NDRG1: variants seen among roughly 807,000 people sequenced by gnomAD.
The protein encoded by NDRG1 is N-myc downstream regulated 1.
A neutral mutation model predicts 56.9 loss-of-function variants in NDRG1; 32 were observed. The ratio of observed to expected loss-of-function variants is 0.56; its 90% CI spans 0.42 to 0.76. The LOEUF (loss-of-function observed/expected upper bound fraction) is 0.76, where lower values mean the gene tolerates loss of function less well. Among genes scored for constraint, NDRG1 ranks in the 30% least tolerant of loss-of-function variants. The pLI, the probability that NDRG1 is intolerant of heterozygous loss-of-function variation, is 0.00. For missense variants in NDRG1, 507 were observed against 545.7 expected (o/e 0.93, Z 0.71); for synonymous variants, 211 against 204.1 (o/e 1.03, Z -0.29).
intron 3 of NDRG1, among the ~76,000 whole-genome samples, chr8:133,273,638 G>A (rs1353239646): frequency 6.6e-6 from 1 of 152,204 alleles, no homozygotes; most frequent in Admixed American, 6.5e-5. Flanking sequence ...TTTTTCGGAA[G>A]CAGATGGATC....
intron 10 of NDRG1, chr8:133,249,544 G>C (rs901446473): frequency 6.5e-6 from 1 of 152,782 alleles, no homozygotes; most frequent in Non-Finnish European, 1.5e-5. Flanking sequence ...AGTTAATTAC[G>C]GTGCTATCTA....
At chr8:133,248,633 A>G in intron 11 of NDRG1, 82 bp downstream of exon 11, 1 of 1,497,200 alleles carries the variant, frequency 6.7e-7, no homozygotes, top group South Asian at 1.1e-5. Context: ...TGCCACACTC[A>G]GAAAGAAGGC....
intron 4 of NDRG1, among the ~76,000 whole-genome samples, 186 bp downstream of exon 4, chr8:133,264,361 C>A (rs1214242777): frequency 6.6e-6 from 1 of 152,264 alleles, no homozygotes; most frequent in Admixed American, 6.5e-5. Context: ...ACAGACAACT[C>A]CGTGCCCACA....
intron 11 of NDRG1, 80 bp from the exon 12 acceptor site, chr8:133,248,006 C>A: frequency 1.5e-6 from 2 of 1,357,382 alleles, no homozygotes; most frequent in Non-Finnish European, 2.1e-6. Flanking sequence ...CAGGCTGGGG[C>A]CTGCATTCTA....
At chr8:133,279,160 G>C (rs372245522) in intron 3 of NDRG1, among the ~76,000 whole-genome samples, 1 of 152,144 alleles carries the variant, frequency 6.6e-6, no homozygotes, top group Non-Finnish European at 1.5e-5. Context: ...AAAGTGCTAG[G>C]ATTACAGGCA....
At chr8:133,278,184 C>A (rs1281294731) in intron 3 of NDRG1, among the ~76,000 whole-genome samples, 1 of 152,204 alleles carries the variant, frequency 6.6e-6, no homozygotes, top group Non-Finnish European at 1.5e-5. Context: ...TCCAGCTGTT[C>A]TCAGCTCAGA....
At chr8:133,257,282 T>TACACACACACAC (rs58312135) in intron 7 of NDRG1, among the ~76,000 whole-genome samples, 4 of 146,720 alleles carry the variant, frequency 2.7e-5, no homozygotes, top group African/African-American at 7.5e-5. Context: ...AACACATGCA[T>TACACACACACAC]ACACACACAC....
intron 3 of NDRG1, among the ~76,000 whole-genome samples, chr8:133,276,200 A>G (rs1391412356): frequency 6.6e-6 from 1 of 152,172 alleles, no homozygotes; most frequent in Non-Finnish European, 1.5e-5. Context: ...CCTAAGGGGC[A>G]GCGCCTTAGC....
intron 9 of NDRG1, among the ~76,000 whole-genome samples, chr8:133,252,798 C>G (rs551780046): frequency 7.3e-5 from 10 of 137,744 alleles, no homozygotes; most frequent in Non-Finnish European, 1.5e-4. Flanking sequence ...CTATTCCCCT[C>G]GTACACTCGC....
At chr8:133,249,856 A>C (rs754556414) in intron 10 of NDRG1, among the ~76,000 whole-genome samples, 4 of 152,256 alleles carry the variant, frequency 2.6e-5, no homozygotes, top group Non-Finnish European at 5.9e-5. Flanking sequence ...CTGTTCTGCG[A>C]GCGTGGCAGA....
chr8:133,255,517 C>A (rs951709224), intron 8 of NDRG1: 23 of 386,672 alleles, frequency 5.9e-5, no homozygotes, highest in Non-Finnish European at 1.1e-4. Context: ...ATCCCCAGAC[C>A]TTCGAGTCTC....
chr8:133,275,478 G>A (rs2130774713), intron 3 of NDRG1, among the ~76,000 whole-genome samples: 1 of 152,156 alleles, frequency 6.6e-6, no homozygotes, highest in Admixed American at 6.5e-5. Context: ...ACCTCTGCCT[G>A]GAATGATCTA....
intron 1 of NDRG1, among the ~76,000 whole-genome samples, chr8:133,292,197 T>C (rs1858467371): frequency 6.6e-6 from 1 of 152,184 alleles, no homozygotes; most frequent in South Asian, 2.1e-4. Context: ...CTGAGATAAT[T>C]TGTGGAAATC....
rs1350816558 is a variant in NDRG1 at position 133,237,914 on chromosome 8, C to T, written c.*964G>A. 1 of 232,902 alleles carries T rather than the reference C, an allele frequency of 4.3e-6. No homozygotes were observed. Among genetic ancestry groups the T allele is most frequent in the East Asian group, 6.0e-5 (1 of 16,576 alleles). 14.4% of individuals were successfully genotyped at this position (232,902 alleles called of 1,614,324 possible). ...AAGGAATCCCTTACATCGAGTAACC[C>T]CAATTCCACCCCCACCCCAGTGCTC... On this transcript the variant is annotated 3_prime_UTR_variant, in exon 16 of 16. Transcript: ENST00000323851.
At chr8:133,257,046 C>T (rs1171694938) in intron 7 of NDRG1, among the ~76,000 whole-genome samples, 183 bp from the exon 8 acceptor site, 1 of 152,176 alleles carries the variant, frequency 6.6e-6, no homozygotes, top group Non-Finnish European at 1.5e-5. Flanking sequence ...GACACGGTAT[C>T]GGGTCCTAGA....
intron 15 of NDRG1, chr8:133,240,739 T>C (rs1855332100): frequency 1.3e-5 from 2 of 152,198 alleles, no homozygotes; most frequent in Non-Finnish European, 2.9e-5. Flanking sequence ...AGATGAGGTC[T>C]AGCATTCACT....
chr8:133,286,906 C>T (rs762668404), intron 1 of NDRG1, among the ~76,000 whole-genome samples: 3 of 152,156 alleles, frequency 2.0e-5, no homozygotes, highest in Non-Finnish European at 4.4e-5. Flanking sequence ...ATGTTGGTCG[C>T]GTCCTGCAAT....
At chr8:133,280,133 G>A (rs907141701) in intron 3 of NDRG1, 99 bp downstream of exon 3, 13 of 1,441,844 alleles carry the variant, frequency 9.0e-6, no homozygotes, top group African/African-American at 5.6e-5. Context: ...CCCCTTGCCC[G>A]CAATGTTTGC....
chr8:133,248,949 C>T (rs576462896), intron 10 of NDRG1, among the ~76,000 whole-genome samples, 178 bp from the exon 11 acceptor site: 39 of 152,314 alleles, frequency 2.6e-4, no homozygotes, highest in African/African-American at 9.1e-4. Flanking sequence ...TGTCCACAGA[C>T]CTGGTTAGAG....
Sources: gnomAD v4.1 joint callset for allele counts (sites outside exome capture counted in the v4.1 genomes callset) on GRCh38, gnomAD v4.1.1 for gene constraint, MANE v1.5 for transcripts, NCBI Gene and HGNC (gene_info 2026-07-23, HGNC 2026-07-21) for gene names.